The following NBAS variants were observed in gnomAD, a reference collection of about 807,000 sequenced individuals.
The protein encoded by NBAS is NAG/BC035112 fusion.
Under a neutral mutation model 302.5 loss-of-function variants are expected in NBAS, and 219 were observed. The ratio of observed to expected loss-of-function variants is 0.72; its 90% confidence interval spans 0.65 to 0.81. The LOEUF (loss-of-function observed/expected upper bound fraction) is 0.81, where lower values mean the gene tolerates loss of function less well. Ranked by LOEUF, NBAS falls within the 30% of genes least tolerant of loss-of-function variation. NBAS has a pLI of 0.00. For missense variants in NBAS, 2,932 were observed against 2,841.6 expected, an observed-to-expected ratio of 1.03 and a Z score of -0.72; for synonymous variants, 1,118 against 1,021.6, an observed-to-expected ratio of 1.09 and a Z score of -1.80.
chr2:14,976,038 A>G, the NBAS span, among the ~76,000 whole-genome samples: 2 of 152,220 alleles, frequency 1.3e-5, no homozygotes, highest in African/African-American at 2.4e-5. Flanking sequence ...ACATTGAACA[A>G]TAAACAGCAC....
the NBAS span, among the ~76,000 whole-genome samples, chr2:14,783,559 G>A: frequency 6.8e-6 from 1 of 146,366 alleles, no homozygotes; most frequent in East Asian, 2.0e-4. Context: ...CTATGAGTGA[G>A]AACATGCGGT....
At chr2:15,281,385 T>TA (rs1669818679) in intron 42 of NBAS, among the ~76,000 whole-genome samples, 1 of 152,232 alleles carries the variant, frequency 6.6e-6, no homozygotes, top group South Asian at 2.1e-4. Flanking sequence ...CACTATGTCA[T>TA]CTGATTTAAT....
At chr2:15,345,407 G>T (rs1170677244) in intron 35 of NBAS, among the ~76,000 whole-genome samples, 2 of 152,066 alleles carry the variant, frequency 1.3e-5, no homozygotes, top group Non-Finnish European at 2.9e-5. Context: ...ATTCATAATT[G>T]CTACAAAGAG....
At chr2:14,909,265 A>T in the NBAS span, among the ~76,000 whole-genome samples, 1 of 146,888 alleles carries the variant, frequency 6.8e-6, no homozygotes, top group Non-Finnish European at 1.5e-5. Flanking sequence ...GTTTGCAGTG[A>T]GCCGGGATTG....
the NBAS span, among the ~76,000 whole-genome samples, chr2:15,088,718 A>G: frequency 6.6e-6 from 1 of 152,332 alleles, no homozygotes; most frequent in East Asian, 1.9e-4. Flanking sequence ...TAGAGCTTGA[A>G]GAAATTTCTT....
intron 38 of NBAS, among the ~76,000 whole-genome samples, chr2:15,322,294 G>A (rs1279415026): frequency 6.6e-6 from 1 of 152,068 alleles, no homozygotes; most frequent in Non-Finnish European, 1.5e-5. Flanking sequence ...TGTAAATGAC[G>A]AGTTGATGGG....
intron 33 of NBAS, among the ~76,000 whole-genome samples, chr2:15,354,647 T>C (rs1295625621): frequency 2.6e-5 from 4 of 152,222 alleles, no homozygotes; most frequent in African/African-American, 9.6e-5. Flanking sequence ...TATTGAATCA[T>C]TTTTGAAGAG....
At chr2:15,222,690 T>A (rs536648984) in intron 47 of NBAS, among the ~76,000 whole-genome samples, 16 of 152,256 alleles carry the variant, frequency 1.1e-4, no homozygotes, top group East Asian at 7.7e-4. Context: ...AAGATAAAAA[T>A]AACTTGTCCA....
Position 15,475,877 on chromosome 2 carries a change from T to TA in NBAS, c.1150_1151insT (p.Lys384IlefsTer44). ...ATCTATCAGTGGGTAAAAGGACTCT[T>TA]TATCTAAGAAGCGAAAAACAAATCA... On this transcript the variant is annotated frameshift_variant, in exon 14 of 52. Coordinates refer to ENST00000281513, the MANE Select transcript of NBAS (RefSeq NM_015909.4). LOFTEE classifies it high-confidence loss of function. 1 of 1,612,410 alleles carries TA rather than the reference T, an allele frequency of 6.2e-7. No individual in the cohort carries two copies. Among genetic ancestry groups the TA allele is most frequent in the Middle Eastern group, 1.7e-4 (1 of 6,056 alleles).
chr2:14,861,112 A>T, the NBAS span, among the ~76,000 whole-genome samples: 1 of 152,226 alleles, frequency 6.6e-6, no homozygotes, highest in Non-Finnish European at 1.5e-5. Flanking sequence ...TTTGTAATCT[A>T]TCTCATTGTC....
At chr2:15,335,397 A>T in intron 35 of NBAS, among the ~76,000 whole-genome samples, 1 of 152,244 alleles carries the variant, frequency 6.6e-6, no homozygotes, top group Non-Finnish European at 1.5e-5. Context: ...ACATATGTCC[A>T]GATTTAGTAA....
intron 47 of NBAS, among the ~76,000 whole-genome samples, chr2:15,222,510 T>C (rs547474405): frequency 6.6e-6 from 1 of 152,282 alleles, no homozygotes; most frequent in Non-Finnish European, 1.5e-5. Context: ...ATGAAAACAA[T>C]ATTCATAATA....
the NBAS span, among the ~76,000 whole-genome samples, chr2:15,151,961 C>T: frequency 6.6e-6 from 1 of 152,108 alleles, no homozygotes; most frequent in African/African-American, 2.4e-5. Context: ...GATTCTTGTG[C>T]CTTGGCCTCC....
chr2:15,528,903 GTA>G (rs1406917459), intron 9 of NBAS, among the ~76,000 whole-genome samples: 1 of 141,836 alleles, frequency 7.1e-6, no homozygotes, highest in Non-Finnish European at 1.5e-5. Context: ...ATATATGTGT[GTA>G]TATATATATA....
chr2:15,234,210 T>C (rs757776859), intron 46 of NBAS, among the ~76,000 whole-genome samples: 9 of 152,194 alleles, frequency 5.9e-5, no homozygotes, highest in Non-Finnish European at 1.3e-4. Flanking sequence ...AATGGTAAGA[T>C]CTGAAAAACC....
chr2:14,931,732 G>A, the NBAS span, among the ~76,000 whole-genome samples: 1 of 152,184 alleles, frequency 6.6e-6, no homozygotes, highest in Non-Finnish European at 1.5e-5. Flanking sequence ...TCTGTTGTGT[G>A]AGGCCCCAAC....
the NBAS span, among the ~76,000 whole-genome samples, chr2:14,921,085 A>G: frequency 6.6e-6 from 1 of 152,044 alleles, no homozygotes; most frequent in Admixed American, 6.6e-5. Flanking sequence ...GAGAGACCTG[A>G]GACTCTTCCT....
At chr2:14,872,813 G>A in the NBAS span, among the ~76,000 whole-genome samples, 1 of 152,044 alleles carries the variant, frequency 6.6e-6, no homozygotes, top group Non-Finnish European at 1.5e-5. Context: ...CTGACTTCAC[G>A]AGTGAAGCTG....
At chr2:15,061,908 T>C in the NBAS span, among the ~76,000 whole-genome samples, 3 of 152,138 alleles carry the variant, frequency 2.0e-5, no homozygotes, top group Admixed American at 6.5e-5. Context: ...AGCAAGAGTA[T>C]GTACATGTCA....
Sources: gnomAD v4.1 joint callset for allele counts (sites outside exome capture counted in the v4.1 genomes callset) on GRCh38, gnomAD v4.1.1 for gene constraint, MANE v1.5 for transcripts, NCBI Gene and HGNC (gene_info 2026-07-23, HGNC 2026-07-21) for gene names.